The following MSRA variants were observed in gnomAD, a reference collection of about 807,000 sequenced individuals.
The protein encoded by MSRA is methionine sulfoxide reductase A.
MSRA carries 54 observed loss-of-function variants against 31.3 expected under a neutral mutation model. That is an observed-to-expected ratio of 1.73 (90% CI 1.39 to 2.17). The LOEUF is 2.17. Ranked by LOEUF, MSRA falls within the 30% of genes most tolerant of loss-of-function variation. The pLI, the probability that MSRA is intolerant of heterozygous loss-of-function variation, is 0.00. For missense variants in MSRA, 507 were observed against 300.9 expected (o/e 1.69, Z -5.07); for synonymous variants, 169 against 116.5 (o/e 1.45, Z -2.90).
At chr8:10,283,805 A>ATG (rs1443969667) in intron 3 of MSRA, among the ~76,000 whole-genome samples, 289 of 33,648 alleles carry the variant, frequency 8.6e-3, no homozygotes, top group African/African-American at 0.024. Flanking sequence ...TCTATCTCAT[A>ATG]TATATATATA....
intron 3 of MSRA, among the ~76,000 whole-genome samples, chr8:10,269,634 G>T (rs570904806): frequency 5.9e-4 from 90 of 151,700 alleles, no homozygotes; most frequent in Middle Eastern, 3.6e-3. Context: ...TTGGTTTTTT[G>T]TTGTTGTTGT....
intron 5 of MSRA, among the ~76,000 whole-genome samples, chr8:10,359,945 T>G (rs953076202): frequency 6.6e-6 from 1 of 152,224 alleles, no homozygotes; most frequent in Non-Finnish European, 1.5e-5. Flanking sequence ...GATGTCCTGT[T>G]TCTGTTCCCC....
chr8:10,086,183 C>G (rs1167670306), intron 1 of MSRA, among the ~76,000 whole-genome samples: 2 of 152,216 alleles, frequency 1.3e-5, no homozygotes, highest in African/African-American at 4.8e-5. Flanking sequence ...TCTGTACATA[C>G]TTGCCAACAC....
At chr8:10,341,575 C>T (rs1171152034) in intron 5 of MSRA, among the ~76,000 whole-genome samples, 1 of 152,192 alleles carries the variant, frequency 6.6e-6, no homozygotes, top group Non-Finnish European at 1.5e-5. Flanking sequence ...AAGTGATTTT[C>T]ATACAGCGCT....
rs186866532 is a variant in MSRA at position 10,210,056 on chromosome 8, A to G, written c.211+2155A>G. 6.4e-4 allele frequency among the ~76,000 whole-genome samples: 97 copies of G among 152,222 alleles called. 1 individual carries two copies. In the East Asian group the frequency reaches 0.013, roughly 20 times the overall value. On this transcript the variant is annotated intron_variant, in intron 2 of 5. Transcript: ENST00000317173. ...TTTCTATCACTTGTCGCCCTGGGCTAGGGTAGAGTAGGGGATTTGGGGGGT... is the reference window on the plus strand; with the variant it reads ...TTTCTATCACTTGTCGCCCTGGGCTGGGGTAGAGTAGGGGATTTGGGGGGT...
At position 10,353,840 on chromosome 8, in the gene MSRA, T is replaced by A. The variant is rs538485874; in HGVS notation, c.543+33851T>A. The A allele has an allele frequency of 6.3e-5, 15 of 238,988 alleles. No individual in the cohort carries two copies. In the Admixed American group the frequency reaches 7.2e-4, roughly 11 times the overall value. The allele number at this position is 238,988 out of a possible 1,614,324, so 14.8% of individuals were successfully genotyped here. ...AGAAATAACAAGACATTTTACCATG[T>A]CTTGTGTCATGTAGGAAACTTTACA... On this transcript the variant is annotated intron_variant, in intron 5 of 5. Coordinates refer to ENST00000317173, the MANE Select transcript of MSRA (RefSeq NM_012331.5).
intron 5 of MSRA, among the ~76,000 whole-genome samples, chr8:10,333,933 T>A (rs923340096): frequency 2.0e-5 from 3 of 152,286 alleles, no homozygotes; most frequent in Middle Eastern, 6.8e-3. Context: ...AAAATACTTG[T>A]AAGCAGCATT....
At chr8:10,413,637 G>T (rs1585723961) in intron 5 of MSRA, among the ~76,000 whole-genome samples, 1 of 123,008 alleles carries the variant, frequency 8.1e-6, no homozygotes, top group Non-Finnish European at 1.7e-5. Flanking sequence ...AACAAATAAA[G>T]AATATCAGTA....
At chr8:10,148,319 T>A (rs1803341860) in intron 1 of MSRA, among the ~76,000 whole-genome samples, 1 of 151,540 alleles carries the variant, frequency 6.6e-6, no homozygotes, top group East Asian at 1.9e-4. Context: ...TTTTTTTTTT[T>A]ATGAGAAAGG....
At chr8:10,320,351 C>T in intron 5 of MSRA, 1 of 158,542 alleles carries the variant, frequency 6.3e-6, no homozygotes. Flanking sequence ...ACCTACAGTC[C>T]CAGCTACCTG....
chr8:10,291,945 C>T (rs572638016), intron 3 of MSRA, among the ~76,000 whole-genome samples: 1 of 152,290 alleles, frequency 6.6e-6, no homozygotes, highest in African/African-American at 2.4e-5. Context: ...TTGTCACCAT[C>T]GTTACATTAG....
chr8:10,055,693 T>C (rs1295489409), intron 1 of MSRA, among the ~76,000 whole-genome samples: 1 of 152,256 alleles, frequency 6.6e-6, no homozygotes, highest in South Asian at 2.1e-4. Context: ...GCCAGAGAAA[T>C]TCAGCATTTA....
At chr8:10,115,829 C>T (rs565997827) in intron 1 of MSRA, among the ~76,000 whole-genome samples, 1 of 152,322 alleles carries the variant, frequency 6.6e-6, no homozygotes, top group East Asian at 1.9e-4. Context: ...AGTCCACACT[C>T]AATGACTGTT....
chr8:10,212,356 C>T (rs577170567), intron 2 of MSRA, among the ~76,000 whole-genome samples: 4 of 152,004 alleles, frequency 2.6e-5, no homozygotes, highest in Admixed American at 6.5e-5. Flanking sequence ...CCCCCTTTAA[C>T]GAGGTTGTAT....
intron 1 of MSRA, chr8:10,096,409 C>T (rs138406723): frequency 9.5e-5 from 45 of 472,648 alleles, no homozygotes; most frequent in East Asian, 7.1e-4. Flanking sequence ...GAGATGTATG[C>T]GATTAGTGAA....
At chr8:10,066,238 T>C (rs1036814346) in intron 1 of MSRA, among the ~76,000 whole-genome samples, 2 of 152,020 alleles carry the variant, frequency 1.3e-5, no homozygotes, top group East Asian at 1.9e-4. Flanking sequence ...CCACCTGCCT[T>C]GGCCTCCCAG....
At chr8:10,294,937 A>G (rs143445545) in intron 3 of MSRA, among the ~76,000 whole-genome samples, 1 of 152,196 alleles carries the variant, frequency 6.6e-6, no homozygotes, top group African/African-American at 2.4e-5. Flanking sequence ...CTGGTATGAG[A>G]AAAACCTGGA....
At chr8:10,082,084 T>C (rs890811493) in intron 1 of MSRA, among the ~76,000 whole-genome samples, 1 of 152,098 alleles carries the variant, frequency 6.6e-6, no homozygotes, top group Admixed American at 6.6e-5. Context: ...TGTGCACCCG[T>C]AGTCCCAGCT....
intron 3 of MSRA, among the ~76,000 whole-genome samples, chr8:10,285,823 G>T (rs957292662): frequency 2.6e-5 from 4 of 152,002 alleles, no homozygotes; most frequent in African/African-American, 7.2e-5. Flanking sequence ...TGACAGTTTT[G>T]TTCTTTTTTT....
Sources: gnomAD v4.1 joint callset for allele counts (sites outside exome capture counted in the v4.1 genomes callset) on GRCh38, gnomAD v4.1.1 for gene constraint, MANE v1.5 for transcripts, NCBI Gene and HGNC (gene_info 2026-07-23, HGNC 2026-07-21) for gene names.